GRK3: variants seen among roughly 807,000 people sequenced by gnomAD.
GRK3 encodes the protein G protein-coupled receptor kinase 3.
In GRK3, 54 loss-of-function variants were observed where a neutral mutation model predicts 95.7. That is an observed-to-expected ratio of 0.56 (90% CI 0.45 to 0.71). The LOEUF is 0.71. Ranked by LOEUF, GRK3 falls within the 30% of genes least tolerant of loss-of-function variation. The pLI is 0.00. For synonymous variants in GRK3, 281 were observed against 290.8 expected, an observed-to-expected ratio of 0.97 and a Z score of 0.34; for missense variants, 649 against 851.2, an observed-to-expected ratio of 0.76 and a Z score of 2.96.
At position 25,611,887 on chromosome 22, in the gene GRK3, C is replaced by T. The variant is rs563751266; in HGVS notation, c.190+7434C>T. ...TCACTCTGTCACTCAGGCTGGAGTA[C>T]AGTGGTGCAATCTGGGCTCACTGAA... On this transcript the variant is annotated intron_variant, in intron 2 of 20. Transcript: ENST00000324198. 2.0e-4 allele frequency among the ~76,000 whole-genome samples: 28 copies of T among 138,192 alleles called. 1 individual carries two copies. In the East Asian group the frequency reaches 5.6e-3, roughly 28 times the overall value. The allele number at this position is 138,192 out of a possible 152,430, so 90.7% of individuals were successfully genotyped here.
intron 17 of GRK3, among the ~76,000 whole-genome samples, chr22:25,711,441 C>A (rs1203721734): frequency 1.3e-5 from 2 of 152,040 alleles, no homozygotes; most frequent in African/African-American, 2.4e-5. Flanking sequence ...ATACCTGAAG[C>A]AGGAAAAACA....
intron 1 of GRK3, among the ~76,000 whole-genome samples, chr22:25,568,716 G>C (rs58047408): frequency 0.013 from 2,012 of 152,276 alleles, 39 homozygotes; most frequent in African/African-American, 0.044. Flanking sequence ...CAAGAAGGAT[G>C]TTTGCTTTGA....
chr22:25,718,971 C>T (rs554586160), intron 19 of GRK3, among the ~76,000 whole-genome samples: 17 of 152,214 alleles, frequency 1.1e-4, no homozygotes, highest in African/African-American at 3.6e-4. Flanking sequence ...ATAGCATTTA[C>T]GTTAGAGGTG....
chr22:25,590,543 C>T (rs567428078), intron 1 of GRK3, among the ~76,000 whole-genome samples: 93 of 152,210 alleles, frequency 6.1e-4, no homozygotes, highest in African/African-American at 2.0e-3. Flanking sequence ...ACAAACAGGC[C>T]GGGCGCGGTG....
intron 3 of GRK3, chr22:25,648,417 A>G: frequency 7.8e-7 from 1 of 1,280,496 alleles, no homozygotes; most frequent in Non-Finnish European, 1.1e-6. Flanking sequence ...TGCTTGGGAA[A>G]TCCCTTGATA....
intron 1 of GRK3, among the ~76,000 whole-genome samples, chr22:25,579,112 G>A (rs1161389071): frequency 1.3e-5 from 2 of 151,740 alleles, no homozygotes; most frequent in African/African-American, 4.8e-5. Context: ...GCTTCTTAGG[G>A]TATTTAGAAC....
At position 25,582,692 on chromosome 22, in the gene GRK3, A is replaced by T. The variant is rs1366227639; in HGVS notation, c.113+17539A>T. ...ATGTGTACACATATCAGTTTGGTTT[A>T]TGTTAAATACAGGTGGCATTTCGAG... On this transcript the variant is annotated intron_variant, in intron 1 of 20. Transcript: ENST00000324198. Among the ~76,000 whole-genome samples the T allele has an allele frequency of 3.2e-4, 49 of 152,260 alleles. 1 individual carries two copies. Among genetic ancestry groups the T allele is most frequent in the Admixed American group, 3.1e-3 (48 of 15,286 alleles).
At chr22:25,662,568 C>G (rs777119824) in intron 4 of GRK3, among the ~76,000 whole-genome samples, 1 of 152,192 alleles carries the variant, frequency 6.6e-6, no homozygotes, top group Non-Finnish European at 1.5e-5. Context: ...TTCTTGCTGA[C>G]ATTTGCATAA....
intron 8 of GRK3, among the ~76,000 whole-genome samples, chr22:25,678,408 C>T (rs947473365): frequency 3.3e-5 from 5 of 152,186 alleles, no homozygotes; most frequent in East Asian, 1.9e-4. Context: ...TGAGCTGGAT[C>T]GTGCCACTGC....
At chr22:25,641,428 A>G (rs1422652920) in intron 2 of GRK3, among the ~76,000 whole-genome samples, 1 of 152,072 alleles carries the variant, frequency 6.6e-6, no homozygotes, top group Non-Finnish European at 1.5e-5. Context: ...GTTACAGTCA[A>G]TGCTCTTGTG....
At chr22:25,688,090 G>C (rs556565975) in intron 11 of GRK3, among the ~76,000 whole-genome samples, 5 of 152,046 alleles carry the variant, frequency 3.3e-5, no homozygotes, top group African/African-American at 1.2e-4. Flanking sequence ...CAAAAAATTA[G>C]CCGGGCGTGG....
chr22:25,707,458 C>T (rs577564091), intron 15 of GRK3, among the ~76,000 whole-genome samples: 3 of 152,184 alleles, frequency 2.0e-5, no homozygotes, highest in East Asian at 3.9e-4. Flanking sequence ...GTGGCTGAGG[C>T]AGTGCACATG....
chr22:25,644,511 A>G (rs1368648718), intron 2 of GRK3, 81 bp from the exon 3 acceptor site: 22 of 654,202 alleles, frequency 3.4e-5, no homozygotes, highest in Non-Finnish European at 5.0e-5. Context: ...TGAGGTATAA[A>G]CACATTGCTT....
At chr22:25,615,636 C>T (rs1467855935) in intron 2 of GRK3, among the ~76,000 whole-genome samples, 4 of 145,840 alleles carry the variant, frequency 2.7e-5, no homozygotes. Flanking sequence ...ATACCTTTCT[C>T]CTAAGCACTG....
chr22:25,658,856 A>G (rs1464889221), intron 3 of GRK3, among the ~76,000 whole-genome samples: 1 of 152,134 alleles, frequency 6.6e-6, no homozygotes, highest in Non-Finnish European at 1.5e-5. Flanking sequence ...TTTTTGATAA[A>G]GAAGACTGGG....
chr22:25,715,443 C>T (rs1199678768), intron 18 of GRK3, among the ~76,000 whole-genome samples: 1 of 151,714 alleles, frequency 6.6e-6, no homozygotes, highest in Non-Finnish European at 1.5e-5. Context: ...ACCAGGAGGT[C>T]GTCTGCAGTG....
intron 2 of GRK3, among the ~76,000 whole-genome samples, chr22:25,630,570 G>A (rs531896710): frequency 1.3e-5 from 2 of 152,244 alleles, no homozygotes; most frequent in Non-Finnish European, 2.9e-5. Flanking sequence ...CATTGGAAGG[G>A]TTTGATAGAA....
intron 13 of GRK3, among the ~76,000 whole-genome samples, chr22:25,697,517 A>G (rs950787966): frequency 2.0e-5 from 3 of 152,196 alleles, no homozygotes; most frequent in Non-Finnish European, 4.4e-5. Flanking sequence ...GGAGGGATGG[A>G]TGAGATAAGT....
intron 9 of GRK3, among the ~76,000 whole-genome samples, chr22:25,682,213 G>A (rs1333784181): frequency 6.6e-6 from 1 of 152,206 alleles, no homozygotes; most frequent in Non-Finnish European, 1.5e-5. Flanking sequence ...TTGTGCAGAG[G>A]TGACCGGATG....
Sources: gnomAD v4.1 joint callset for allele counts (sites outside exome capture counted in the v4.1 genomes callset) on GRCh38, gnomAD v4.1.1 for gene constraint, MANE v1.5 for transcripts, NCBI Gene and HGNC (gene_info 2026-07-23, HGNC 2026-07-21) for gene names.